Variants in CFAP299 observed in about 807,000 individuals in gnomAD.
The protein encoded by CFAP299 is cilia- and flagella-associated protein 299.
CFAP299 carries 21 observed loss-of-function variants against 27.0 expected under a neutral mutation model. That is an observed-to-expected ratio of 0.78 (90% CI 0.55 to 1.12). The LOEUF is 1.12. CFAP299 is among the 50% of genes most tolerant of loss of function. The probability of loss-of-function intolerance (pLI) is 0.00; values close to 1 mark genes in which losing one functional copy is unlikely to be tolerated. For synonymous variants in CFAP299, 104 were observed against 98.1 expected (o/e 1.06, Z -0.36); for missense variants, 310 against 276.6 (o/e 1.12, Z -0.86).
At position 80,622,848 on chromosome 4, in the gene CFAP299, A is replaced by G. The variant is rs192805364; in HGVS notation, c.333+39665A>G. 1.2e-3 allele frequency among the ~76,000 whole-genome samples: 187 copies of G among 152,258 alleles called. 2 individuals are homozygous for G. Among genetic ancestry groups the G allele is most frequent in the African/African-American group, 4.3e-3 (177 of 41,554 alleles). ...CATGCAATACTTGAAACTAGAGATA[A>G]TGGGCTTACTGCTTTATGTCTGGGA... On this transcript the variant is annotated intron_variant, in intron 3 of 5. Transcript: ENST00000358105.
intron 3 of CFAP299, among the ~76,000 whole-genome samples, chr4:80,744,256 T>C (rs1724453797): frequency 1.3e-5 from 2 of 152,106 alleles, no homozygotes; most frequent in African/African-American, 4.8e-5. Flanking sequence ...GCCTTTCCAT[T>C]TCCTGGATGT....
intron 2 of CFAP299, among the ~76,000 whole-genome samples, chr4:80,370,898 C>T (rs531858449): frequency 2.0e-5 from 3 of 152,372 alleles, no homozygotes; most frequent in African/African-American, 4.8e-5. Flanking sequence ...CACTAGGCAG[C>T]GCCCCAGTGG....
chr4:80,401,382 C>T (rs557128174), intron 2 of CFAP299, among the ~76,000 whole-genome samples: 46 of 152,234 alleles, frequency 3.0e-4, no homozygotes, highest in Admixed American at 2.5e-3. Context: ...CCAGGGTTCT[C>T]GTGCTGTGTG....
chr4:80,799,692 A>T (rs372127786), intron 3 of CFAP299, among the ~76,000 whole-genome samples: 5 of 47,686 alleles, frequency 1.0e-4, no homozygotes, highest in African/African-American at 4.2e-4. Flanking sequence ...TAAATATATA[A>T]TATATAAAAT....
rs1164398763 is a variant in CFAP299, at chr4:80,675,196, G to T, written c.333+92013G>T. ...TTGGTCTTTGATGCTGATGCCTACAGATGGGGTTTTGGTGTGGATGTCCTT... is the reference window on the plus strand; with the variant it reads ...TTGGTCTTTGATGCTGATGCCTACATATGGGGTTTTGGTGTGGATGTCCTT... On this transcript the variant is annotated intron_variant, in intron 3 of 5. Coordinates refer to ENST00000358105, the MANE Select transcript of CFAP299 (RefSeq NM_152770.3). Among the ~76,000 whole-genome samples, 3 of 152,178 alleles carry T rather than the reference G, an allele frequency of 2.0e-5. No homozygotes were observed. The South Asian group carries it at 6.2e-4, about 32-fold the overall frequency.
chr4:80,440,241 C>T (rs1193116484), intron 2 of CFAP299, among the ~76,000 whole-genome samples: 1 of 152,200 alleles, frequency 6.6e-6, no homozygotes, highest in Admixed American at 6.5e-5. Context: ...TCCCTGACCC[C>T]CATGCCTCCT....
At chr4:80,423,494 G>A (rs1255310910) in intron 2 of CFAP299, among the ~76,000 whole-genome samples, 1 of 152,166 alleles carries the variant, frequency 6.6e-6, no homozygotes, top group Non-Finnish European at 1.5e-5. Context: ...GGCTGGTATT[G>A]TTTTCTGGGG....
At chr4:80,799,869 TATATTATATTA>T (rs1560417719) in intron 3 of CFAP299, among the ~76,000 whole-genome samples, 2 of 32,748 alleles carry the variant, frequency 6.1e-5, no homozygotes, top group African/African-American at 3.0e-4. Flanking sequence ...ATATATTATA[TATATTATATTA>T]TATAATATAT....
upstream of CFAP299, among the ~76,000 whole-genome samples, chr4:80,333,463 G>A (rs115620724): frequency 7.6e-3 from 1,160 of 152,142 alleles, 16 homozygotes; most frequent in African/African-American, 0.027. Context: ...AGATCCTCAA[G>A]TTCTTATTAA....
At chr4:80,710,368 G>A (rs1269628363) in intron 3 of CFAP299, among the ~76,000 whole-genome samples, 2 of 151,720 alleles carry the variant, frequency 1.3e-5, no homozygotes, top group African/African-American at 2.4e-5. Context: ...ATTGAAAGAA[G>A]AAAGCTCAAA....
chr4:80,547,788 C>A (rs551733002), intron 2 of CFAP299, among the ~76,000 whole-genome samples: 2 of 152,254 alleles, frequency 1.3e-5, no homozygotes, highest in South Asian at 4.1e-4. Flanking sequence ...TGTTTGTCAT[C>A]ATTAATCATT....
At chr4:80,949,552 A>AC (rs1400018198) in intron 5 of CFAP299, among the ~76,000 whole-genome samples, 4 of 151,672 alleles carry the variant, frequency 2.6e-5, no homozygotes, top group Middle Eastern at 3.2e-3. Flanking sequence ...ACAACAAAAA[A>AC]AAAAAGAAGC....
At chr4:80,423,795 A>G (rs1048191827) in intron 2 of CFAP299, among the ~76,000 whole-genome samples, 8 of 152,124 alleles carry the variant, frequency 5.3e-5, no homozygotes, top group Non-Finnish European at 1.5e-5. Flanking sequence ...CACCCACTGT[A>G]TAAAAATGGA....
chr4:80,525,088 A>G (rs191760878), intron 2 of CFAP299, among the ~76,000 whole-genome samples: 3 of 152,262 alleles, frequency 2.0e-5, no homozygotes, highest in East Asian at 1.9e-4. Flanking sequence ...GCAGTTTACA[A>G]CATGACATTT....
intron 2 of CFAP299, among the ~76,000 whole-genome samples, chr4:80,498,106 A>C (rs1731553598): frequency 6.6e-6 from 1 of 152,214 alleles, no homozygotes; most frequent in Non-Finnish European, 1.5e-5. Context: ...AGGATGGATT[A>C]ATGACTTAAA....
intron 3 of CFAP299, among the ~76,000 whole-genome samples, chr4:80,767,018 G>A (rs942146142): frequency 4.6e-5 from 7 of 152,136 alleles, no homozygotes; most frequent in African/African-American, 7.2e-5. Flanking sequence ...CCCCTTATCC[G>A]AAGGATATAT....
chr4:80,460,854 T>A (rs544730168), intron 2 of CFAP299, among the ~76,000 whole-genome samples: 1 of 152,326 alleles, frequency 6.6e-6, no homozygotes, highest in South Asian at 2.1e-4. Context: ...AAGAGACTTA[T>A]TCTGAGCCAA....
intron 4 of CFAP299, among the ~76,000 whole-genome samples, chr4:80,877,969 A>T (rs898098726): frequency 1.3e-5 from 2 of 152,076 alleles, no homozygotes; most frequent in Non-Finnish European, 2.9e-5. Context: ...AAAATATTTC[A>T]TCTTGCGTCT....
chr4:80,816,879 A>G (rs1478502783), intron 3 of CFAP299, among the ~76,000 whole-genome samples: 2 of 152,114 alleles, frequency 1.3e-5, no homozygotes, highest in African/African-American at 2.4e-5. Context: ...TGAGGTTTCA[A>G]GAAAGTTTAT....
Sources: gnomAD v4.1 joint callset for allele counts (sites outside exome capture counted in the v4.1 genomes callset) on GRCh38, gnomAD v4.1.1 for gene constraint, MANE v1.5 for transcripts, NCBI Gene and HGNC (gene_info 2026-07-23, HGNC 2026-07-21) for gene names.